The following CCDC150 variants were observed in gnomAD, a reference collection of about 807,000 sequenced individuals.
The protein encoded by CCDC150 is coiled-coil domain-containing protein 150.
A neutral mutation model predicts 156.5 loss-of-function variants in CCDC150; 151 were observed. The observed-to-expected ratio is 0.97, with a 90% CI of 0.85 to 1.10. CCDC150 has a LOEUF of 1.10. CCDC150 is among the 50% of genes least tolerant of loss of function. The pLI is 0.00. For missense variants in CCDC150, 1,312 were observed against 1,268.1 expected, an observed-to-expected ratio of 1.03 and a Z score of -0.53; for synonymous variants, 452 against 429.4, an observed-to-expected ratio of 1.05 and a Z score of -0.65.
Position 196,716,728 on chromosome 2 carries a change from A to G in CCDC150, c.1867-1775A>G, listed in dbSNP as rs941095139. On this transcript the variant is annotated intron_variant, in intron 17 of 27. Coordinates refer to ENST00000389175, the MANE Select transcript of CCDC150 (RefSeq NM_001080539.2). ...TATACGTATGTGAAAACTTATCAAA[A>G]TGTACACTTTAAGTATGTGTAGCTT... 9.2e-5 allele frequency among the ~76,000 whole-genome samples: 14 copies of G among 152,270 alleles called. No homozygotes were observed. In the South Asian group the frequency reaches 1.2e-3, roughly 13 times the overall value.
chr2:196,732,056 T>G lies in CCDC150; in HGVS notation c.3093T>G (p.Ala1031=). Residue 1031 remains alanine, a synonymous_variant, in exon 27 of 28, where the codon GCT becomes GCG. Transcript: ENST00000389175. ...SEQITANLEE[A]HRWFKHRFDG... is the part of the protein sequence containing the mutation. ...AGATAACAGCTAATCTGGAAGAAGC[T>G]CATCGCTGGTTTAAGCACAGGTTTG... The G allele has an allele frequency of 6.2e-7, 1 of 1,613,794 alleles. No homozygotes were observed. The highest frequency in any genetic ancestry group is 8.5e-7 in the Non-Finnish European group (1 of 1,179,756).
At chr2:196,727,723 A>G (rs1698289013) in intron 22 of CCDC150, 1 of 152,124 alleles carries the variant, frequency 6.6e-6, no homozygotes, top group African/African-American at 2.4e-5. Context: ...ATTGTTAAGA[A>G]TACTTACAGC....
chr2:196,689,591 A>T (rs1208247226), intron 13 of CCDC150, among the ~76,000 whole-genome samples: 1 of 151,974 alleles, frequency 6.6e-6, no homozygotes, highest in Non-Finnish European at 1.5e-5. Flanking sequence ...TTGTACATTG[A>T]TTTTGTATCC....
intron 4 of CCDC150, 160 bp downstream of exon 4, chr2:196,657,296 A>C (rs950145259): frequency 1.6e-6 from 1 of 645,136 alleles, no homozygotes; most frequent in African/African-American, 1.8e-5. Flanking sequence ...GGCCTATGAC[A>C]TTTGCACTGA....
At chr2:196,650,828 C>G (rs1692833545) in intron 2 of CCDC150, among the ~76,000 whole-genome samples, 2 of 152,214 alleles carry the variant, frequency 1.3e-5, no homozygotes, top group Admixed American at 1.3e-4. Context: ...GTATTCCCTC[C>G]TCTTCAATTT....
intron 7 of CCDC150, among the ~76,000 whole-genome samples, chr2:196,668,275 C>T (rs867417904): frequency 3.3e-5 from 4 of 119,770 alleles, no homozygotes; most frequent in African/African-American, 6.4e-5. Flanking sequence ...CCAGCCTGGG[C>T]GACAGAGCAA....
chr2:196,657,351 A>T, intron 4 of CCDC150: 1 of 489,224 alleles, frequency 2.0e-6, no homozygotes, highest in Non-Finnish European at 3.7e-6. Flanking sequence ...TATTTGTACA[A>T]CCCTTACCCC....
At position 196,688,669 on chromosome 2, in the gene CCDC150, G is replaced by A. The variant is rs527908238; in HGVS notation, c.1510-6377G>A. On this transcript the variant is annotated intron_variant, in intron 13 of 27. Transcript: ENST00000389175. ...GCCCTTTGTCAGATGAGTAGGTTGCGAAAATTTTCTCCCATTTTGTAGGTT... is the reference window on the plus strand; with the variant it reads ...GCCCTTTGTCAGATGAGTAGGTTGCAAAAATTTTCTCCCATTTTGTAGGTT... 4.6e-3 allele frequency among the ~76,000 whole-genome samples: 692 copies of A among 152,086 alleles called. 2 individuals carry two copies. Among genetic ancestry groups the A allele is most frequent in the African/African-American group, 0.016 (662 of 41,498 alleles).
rs1355574536 is a variant in CCDC150 at position 196,666,311 on chromosome 2, A to G, written c.763-408A>G. Among the ~76,000 whole-genome samples, 5 of 152,344 alleles carry G rather than the reference A, an allele frequency of 3.3e-5. No homozygotes were observed. The East Asian group carries it at 5.8e-4, about 18-fold the overall frequency. On this transcript the variant is annotated intron_variant, in intron 6 of 27. Transcript: ENST00000389175. Reference sequence around the variant, plus strand: ...GACATAATCTTTATTATTTTAACCAATGGAAAAAGTTTCCCTTCATAACTG... The same window carrying G: ...GACATAATCTTTATTATTTTAACCAGTGGAAAAAGTTTCCCTTCATAACTG...
At chr2:196,675,461 A>G (rs1363742708) in intron 10 of CCDC150, among the ~76,000 whole-genome samples, 1 of 152,198 alleles carries the variant, frequency 6.6e-6, no homozygotes, top group African/African-American at 2.4e-5. Flanking sequence ...TTGTTAAAAT[A>G]GAAGTTTTTT....
At chr2:196,695,978 G>A (rs911020005) in intron 14 of CCDC150, among the ~76,000 whole-genome samples, 2 of 152,168 alleles carry the variant, frequency 1.3e-5, no homozygotes, top group Non-Finnish European at 2.9e-5. Context: ...ACCCCGATGT[G>A]ACTCTGTTTT....
At chr2:196,647,287 A>G (rs1374876027) in intron 2 of CCDC150, among the ~76,000 whole-genome samples, 1 of 152,126 alleles carries the variant, frequency 6.6e-6, no homozygotes, top group Non-Finnish European at 1.5e-5. Context: ...TGCTGACTTT[A>G]ATAATTAGTT....
chr2:196,711,616 G>C (rs1697120024), intron 15 of CCDC150, among the ~76,000 whole-genome samples: 3 of 152,186 alleles, frequency 2.0e-5, no homozygotes, highest in Admixed American at 6.5e-5. Flanking sequence ...TCATCTTTAT[G>C]AATTAGTTTT....
chr2:196,645,185 A>T (rs1418702850), intron 1 of CCDC150, among the ~76,000 whole-genome samples: 3 of 152,148 alleles, frequency 2.0e-5, no homozygotes, highest in African/African-American at 7.2e-5. Context: ...AGTGAATTGG[A>T]GAGCTATTTC....
At chr2:196,704,562 T>A (rs557075272) in intron 15 of CCDC150, among the ~76,000 whole-genome samples, 61 of 152,320 alleles carry the variant, frequency 4.0e-4, no homozygotes, top group Middle Eastern at 3.4e-3. Context: ...AGTATTTTTT[T>A]AATTATACTT....
In CCDC150 at chr2:196,729,234, A is replaced by G; in HGVS notation, c.2598A>G (p.Glu866=). Residue 866 remains glutamate, a synonymous_variant, in exon 23 of 28, where the codon GAA becomes GAG. Coordinates refer to ENST00000389175, the MANE Select transcript of CCDC150 (RefSeq NM_001080539.2). ...ALDEANFRSV[E]VSRTNRELRQ... ...ATGAAGCTAACTTCAGATCAGTGGA[A>G]GTGTCCCGGACCAACCGAGAGCTGC... is the stretch of plus-strand genomic sequence containing the variant. 6.2e-7 allele frequency: 1 copy of G among 1,613,820 alleles called. No homozygotes were observed. Among genetic ancestry groups the G allele is most frequent in the South Asian group, 1.1e-5 (1 of 91,044 alleles).
At chr2:196,677,040 G>T in intron 12 of CCDC150, 1 of 681,642 alleles carries the variant, frequency 1.5e-6, no homozygotes, top group East Asian at 2.8e-5. Flanking sequence ...GAAGGTTAAG[G>T]GGGAACAGCC....
At chr2:196,676,040 GTTTT>G in intron 10 of CCDC150, 99 bp from the exon 11 acceptor site, 1 of 1,084,898 alleles carries the variant, frequency 9.2e-7, no homozygotes, top group Non-Finnish European at 1.3e-6. Context: ...AATGAAACTT[GTTTT>G]TTTAAGTTAG....
intron 21 of CCDC150, among the ~76,000 whole-genome samples, chr2:196,722,816 A>C (rs1482660221): frequency 6.6e-6 from 1 of 152,190 alleles, no homozygotes; most frequent in Non-Finnish European, 1.5e-5. Context: ...AAAGCCTGAA[A>C]ATTATTTAGG....
Sources: allele counts gnomAD v4.1 joint callset (sites outside exome capture counted in the v4.1 genomes callset), GRCh38; gene constraint gnomAD v4.1.1; transcripts MANE v1.5; gene names NCBI Gene and HGNC (gene_info 2026-07-23, HGNC 2026-07-21).